Variants in PFKFB4 observed in about 807,000 individuals in gnomAD.
PFKFB4 encodes the protein 6-phosphofructo-2-kinase/fructose-2,6-bisphosphatase 4.
In PFKFB4, 42 loss-of-function variants were observed where a neutral mutation model predicts 62.8. The ratio of observed to expected loss-of-function variants is 0.67; its 90% CI spans 0.52 to 0.86. The LOEUF (loss-of-function observed/expected upper bound fraction) is 0.86. Among genes scored for constraint, PFKFB4 ranks in the 40% least tolerant of loss-of-function variants. PFKFB4 has a pLI of 0.00. For synonymous variants in PFKFB4, 204 were observed against 240.7 expected, an observed-to-expected ratio of 0.85 and a Z score of 1.41; for missense variants, 475 against 627.2, an observed-to-expected ratio of 0.76 and a Z score of 2.59.
intron 3 of PFKFB4, among the ~76,000 whole-genome samples, chr3:48,547,134 C>A (rs572338612): frequency 6.6e-6 from 1 of 152,288 alleles, no homozygotes; most frequent in South Asian, 2.1e-4. Context: ...CATGTATGAG[C>A]GTGCTCAGGT....
chr3:48,526,294 G>A (rs1187001184), intron 9 of PFKFB4, among the ~76,000 whole-genome samples: 2 of 151,102 alleles, frequency 1.3e-5, no homozygotes, highest in Non-Finnish European at 2.9e-5. Flanking sequence ...GCTGGGCGTG[G>A]TGGCTCACAG....
intron 3 of PFKFB4, among the ~76,000 whole-genome samples, chr3:48,548,810 G>T (rs761589333): frequency 9.2e-5 from 14 of 152,104 alleles, no homozygotes; most frequent in Admixed American, 2.6e-4. Flanking sequence ...TGAATATCAG[G>T]CTCCCCTTCC....
At chr3:48,527,447 C>T (rs908041301) in intron 9 of PFKFB4, among the ~76,000 whole-genome samples, 2 of 151,732 alleles carry the variant, frequency 1.3e-5, no homozygotes, top group Non-Finnish European at 2.9e-5. Context: ...CACTTGAATA[C>T]TAACACATAT....
intron 4 of PFKFB4, among the ~76,000 whole-genome samples, chr3:48,540,354 A>C (rs2042761583): frequency 6.6e-6 from 1 of 152,190 alleles, no homozygotes; most frequent in Non-Finnish European, 1.5e-5. Flanking sequence ...GCAGGACCAG[A>C]GCACTCCAGA....
chr3:48,523,945 G>A (rs958605285), intron 10 of PFKFB4, 115 bp from the exon 11 acceptor site: 5 of 1,225,878 alleles, frequency 4.1e-6, no homozygotes, highest in Non-Finnish European at 5.7e-6. Flanking sequence ...CTGGGAAGCT[G>A]TGGCTGGGCC....
At chr3:48,552,033 CCAA>C (rs753254389) in intron 1 of PFKFB4, among the ~76,000 whole-genome samples, 13 of 152,192 alleles carry the variant, frequency 8.5e-5, no homozygotes, top group Non-Finnish European at 1.9e-4. Flanking sequence ...ACTGTCCCCA[CCAA>C]CAAGTTGTTT....
At chr3:48,535,774 T>C in intron 8 of PFKFB4, 116 bp from the exon 9 acceptor site, 1 of 1,238,536 alleles carries the variant, frequency 8.1e-7, no homozygotes, top group Non-Finnish European at 1.1e-6. Context: ...ACAGGTTTGG[T>C]AAAAAGCATG....
Position 48,538,537 on chromosome 3 carries a change from T to A in PFKFB4, c.593A>T (p.Tyr198Phe), listed in dbSNP as rs149487791. The change falls in exon 7 of 14, where the codon TAT (tyrosine) becomes TTT (phenylalanine). Residue 198 changes from tyrosine to phenylalanine, a missense_variant. By Grantham distance (22) the Tyr-to-Phe change is conservative. Coordinates refer to ENST00000232375, the MANE Select transcript of PFKFB4 (RefSeq NM_004567.4). Reference protein sequence around the residue: ...TEDFMRRIECYENSYESLDED... With the variant: ...TEDFMRRIECFENSYESLDED... The stretch of plus-strand genomic sequence containing the variant: ...ATCTAGCGACTCGTAGGAGTTCTCA[T>A]AGCACTCAATGCGCCTCATGAAGTC... 8.7e-6 allele frequency: 14 copies of A among 1,614,042 alleles called. No homozygotes were observed. The African/African-American group carries it at 1.9e-4, about 22-fold the overall frequency.
chr3:48,521,843 C>T lies in PFKFB4; in HGVS notation c.1350+143G>A, dbSNP rs939781178. The T allele has an allele frequency of 1.3e-6, 1 of 741,110 alleles. No individual in the cohort carries two copies. Among genetic ancestry groups the T allele is most frequent in the Non-Finnish European group, 2.4e-6 (1 of 420,670 alleles). 45.9% of individuals were successfully genotyped at this position (741,110 alleles called of 1,614,324 possible). On this transcript the variant is annotated intron_variant, in intron 13 of 13. Transcript: ENST00000232375. The surrounding 1 kb of genome is among the most constrained non-coding windows in gnomAD (Gnocchi z 5.3). ...CCCCACCCAGAGCCAGGGCCCCGCCCTGCTGATGGGACAACAGTCTTGGCA... is the reference window on the plus strand; with the variant it reads ...CCCCACCCAGAGCCAGGGCCCCGCCTTGCTGATGGGACAACAGTCTTGGCA...
At chr3:48,561,551 C>T (rs1220717372), upstream of PFKFB4, 2 of 152,784 alleles carry the variant, frequency 1.3e-5, no homozygotes, top group African/African-American at 4.8e-5. This position sits in a 1 kb window ranked among gnomAD's most constrained non-coding sequence, Gnocchi z 5.2. Context: ...AACCGGGGAG[C>T]TAGGGAGGAA....
intron 13 of PFKFB4, among the ~76,000 whole-genome samples, chr3:48,520,379 G>A (rs551271906): frequency 6.6e-6 from 1 of 152,178 alleles, no homozygotes; most frequent in Non-Finnish European, 1.5e-5. Flanking sequence ...GGCTCAGGGA[G>A]TCTCAGGCCT....
intron 9 of PFKFB4, among the ~76,000 whole-genome samples, chr3:48,527,828 C>G (rs987986525): frequency 6.6e-6 from 1 of 151,826 alleles, no homozygotes; most frequent in Admixed American, 6.6e-5. Context: ...GCTGGGATTA[C>G]AGGCACAGGC....
intron 8 of PFKFB4, 44 bp downstream of exon 8, chr3:48,536,212 A>C: frequency 6.4e-7 from 1 of 1,557,808 alleles, no homozygotes; most frequent in Non-Finnish European, 8.8e-7. Context: ...CACGCAGGGT[A>C]CAAATGCAGG....
chr3:48,524,032 G>A (rs376994139), intron 10 of PFKFB4, among the ~76,000 whole-genome samples: 7 of 152,176 alleles, frequency 4.6e-5, no homozygotes, highest in South Asian at 4.1e-4. Context: ...TCAGGGCTAG[G>A]TCCTGGTAGG....
chr3:48,525,733 G>T (rs1023616454), intron 9 of PFKFB4, 64 bp from the exon 10 acceptor site: 2 of 829,174 alleles, frequency 2.4e-6, no homozygotes, highest in Non-Finnish European at 3.8e-6. Flanking sequence ...GGGGACATGT[G>T]GGGTGAGGCA....
At chr3:48,526,572 C>CAA (rs1427105726) in intron 9 of PFKFB4, among the ~76,000 whole-genome samples, 4,872 of 77,894 alleles carry the variant, frequency 0.063, 309 homozygotes, top group African/African-American at 0.19. Context: ...GACTCTGTCT[C>CAA]AAAAAAAAAA....
Position 48,521,919 on chromosome 3 carries a change from G to A in PFKFB4, c.1350+67C>T, listed in dbSNP as rs1417939938. 7 of 1,305,576 alleles carry A rather than the reference G, an allele frequency of 5.4e-6. 1 individual carries two copies. The highest frequency in any genetic ancestry group is 3.6e-4 in the Middle Eastern group (2 of 5,506). The allele number at this position is 1,305,576 out of a possible 1,614,324, so 80.9% of individuals were successfully genotyped here. A position where few individuals can be genotyped will look rare whatever the true frequency, so the allele number is the denominator to read the frequency against. ...TGCCGCAGCTGGGCCTGGCCCTGGA[G>A]GATGTGCAGTCTGGACACCCCCACA... On this transcript the variant is annotated intron_variant, in intron 13 of 13. Transcript: ENST00000232375. This position sits in a 1 kb window ranked among gnomAD's most constrained non-coding sequence, Gnocchi z 5.3.
intron 8 of PFKFB4, among the ~76,000 whole-genome samples, chr3:48,535,895 G>A (rs990075224): frequency 1.3e-5 from 2 of 152,166 alleles, no homozygotes; most frequent in African/African-American, 4.8e-5. Flanking sequence ...GACTCATCAG[G>A]GCCACTGCCT....
chr3:48,556,401 G>C lies in PFKFB4; in HGVS notation c.97+280C>G, dbSNP rs1353810574. ...ATTGGAGAGGGAAGCGAGGGGGCCAGAGCCCTCCCCGAGGTGATGGTGGCC... is the reference window on the plus strand; with the variant it reads ...ATTGGAGAGGGAAGCGAGGGGGCCACAGCCCTCCCCGAGGTGATGGTGGCC... On this transcript the variant is annotated intron_variant, in intron 1 of 13. Transcript: ENST00000232375. This position sits in a 1 kb window ranked among gnomAD's most constrained non-coding sequence, Gnocchi z 5.7. 6.6e-6 allele frequency among the ~76,000 whole-genome samples: 1 copy of C among 152,162 alleles called. No homozygotes were observed. The highest frequency in any genetic ancestry group is 2.4e-5 in the African/African-American group (1 of 41,430).
Sources: gnomAD v4.1 joint callset for allele counts (sites outside exome capture counted in the v4.1 genomes callset) on GRCh38, gnomAD v4.1.1 for gene constraint, Gnocchi (gnomAD v3.1) non-coding constraint, MANE v1.5 for transcripts, NCBI Gene and HGNC (gene_info 2026-07-23, HGNC 2026-07-21) for gene names.